KIF9: variants seen among roughly 807,000 people sequenced by gnomAD.
KIF9 encodes kinesin-like protein KIF9.
A neutral mutation model predicts 94.8 loss-of-function variants in KIF9; 68 were observed. The ratio of observed to expected loss-of-function variants is 0.72; its 90% CI spans 0.59 to 0.88. KIF9 has a LOEUF of 0.88. Among genes scored for constraint, KIF9 ranks in the 40% least tolerant of loss-of-function variants. The pLI is 0.00. For missense variants in KIF9, 882 were observed against 982.5 expected (o/e 0.90, Z 1.37); for synonymous variants, 343 against 362.1 (o/e 0.95, Z 0.60).
intron 7 of KIF9, 150 bp downstream of exon 7, chr3:47,266,826 G>A (rs937457980): frequency 4.5e-6 from 3 of 666,994 alleles, no homozygotes; most frequent in Admixed American, 2.7e-5. Flanking sequence ...TGCAAATCCT[G>A]TCCCTCCAGC....
chr3:47,241,157 C>A, intron 16 of KIF9, 142 bp from the exon 17 acceptor site: 1 of 677,760 alleles, frequency 1.5e-6, no homozygotes, highest in South Asian at 1.8e-5. Context: ...AGGAGCTAAA[C>A]TGTGTGTGAA....
intron 14 of KIF9, 162 bp from the exon 15 acceptor site, chr3:47,245,086 G>C: frequency 1.1e-6 from 1 of 893,040 alleles, no homozygotes; most frequent in Non-Finnish European, 1.7e-6. Flanking sequence ...CCTGTAGAGC[G>C]GTCCCTGACC....
At chr3:47,240,735 G>C in intron 17 of KIF9, 66 bp downstream of exon 17, 1 of 1,388,620 alleles carries the variant, frequency 7.2e-7, no homozygotes, top group Non-Finnish European at 1.0e-6. Flanking sequence ...GCCAAGGGCT[G>C]TTCTGCTTCA....
intron 1 of KIF9, among the ~76,000 whole-genome samples, chr3:47,280,582 G>T (rs1375357826): frequency 6.6e-6 from 1 of 152,172 alleles, no homozygotes; most frequent in Admixed American, 6.5e-5. Flanking sequence ...TGGTGCACGC[G>T]TGTGGTCCCA....
chr3:47,240,063 G>T (rs917568605), intron 17 of KIF9: 1 of 619,808 alleles, frequency 1.6e-6, no homozygotes. Flanking sequence ...TGGCTGAGGG[G>T]CTGGGAATCT....
At chr3:47,280,847 C>T in intron 1 of KIF9, 2 of 697,342 alleles carry the variant, frequency 2.9e-6, no homozygotes, top group South Asian at 3.0e-5. Flanking sequence ...GGAGCCATAT[C>T]CACCTGCAAT....
At position 47,281,905 on chromosome 3, in the gene KIF9, G is replaced by A. The variant is rs114781336; in HGVS notation, c.-6+590C>T. ...TGGGTCCCTATCTTCCAGTGCTCCC[G>A]TCCAGATGAGGGGCTGTCATGGGGA... is the stretch of plus-strand genomic sequence containing the variant. On this transcript the variant is annotated intron_variant, in intron 1 of 20. Transcript: ENST00000684063. 2.6e-3 allele frequency among the ~76,000 whole-genome samples: 393 copies of A among 152,314 alleles called. 2 individuals carry two copies. Among genetic ancestry groups the A allele is most frequent in the African/African-American group, 8.5e-3 (353 of 41,574 alleles).
intron 20 of KIF9, among the ~76,000 whole-genome samples, chr3:47,229,040 G>A (rs1698360634): frequency 1.3e-5 from 2 of 152,194 alleles, no homozygotes; most frequent in Admixed American, 1.3e-4. Flanking sequence ...GAGGAGTTAG[G>A]GGCCAGGTAT....
intron 1 of KIF9, among the ~76,000 whole-genome samples, chr3:47,278,699 C>T (rs1382300355): frequency 1.3e-5 from 2 of 151,790 alleles, no homozygotes; most frequent in East Asian, 1.9e-4. Flanking sequence ...CAGCCAGGTG[C>T]GGTGGCTCAG....
chr3:47,264,319 G>A lies in KIF9; in HGVS notation c.948C>T (p.Asn316=), dbSNP rs1364556508. The change falls in exon 9 of 21, where the codon AAC becomes AAT. Residue 316 remains asparagine (N), a synonymous_variant. Transcript: ENST00000684063. ...GGNCNMVLVT[N]IYGEAAQLEE... Reference sequence around the variant, plus strand: ...CTAACTGGGCAGCTTCTCCATAGATGTTTGTCACGAGGACCATATTGCAGT... The same window carrying A: ...CTAACTGGGCAGCTTCTCCATAGATATTTGTCACGAGGACCATATTGCAGT... 1.2e-6 allele frequency: 2 copies of A among 1,613,604 alleles called. No individual in the cohort carries two copies. The highest frequency in any genetic ancestry group is 4.5e-5 in the East Asian group (2 of 44,892).
chr3:47,254,066 G>C (rs1000385873), intron 10 of KIF9, among the ~76,000 whole-genome samples: 2 of 152,202 alleles, frequency 1.3e-5, no homozygotes, highest in East Asian at 1.9e-4. Context: ...ACTATGCTAA[G>C]AGGTTTCTAC....
intron 17 of KIF9, among the ~76,000 whole-genome samples, chr3:47,239,082 C>T (rs912444542): frequency 5.3e-5 from 8 of 152,146 alleles, no homozygotes; most frequent in African/African-American, 1.9e-4. Flanking sequence ...TGCCTGTAAT[C>T]GCAGCTACTT....
rs545298955 is a variant in KIF9 at position 47,262,951 on chromosome 3, T to G, written c.981+1335A>C. On this transcript the variant is annotated intron_variant, in intron 9 of 20. Transcript: ENST00000684063. ...TCTCACTCTGTCACCCAGGCTGGAG[T>G]GCAGTGGTGCAATCTCAGCTCACTA... is the stretch of plus-strand genomic sequence containing the variant. Among the ~76,000 whole-genome samples, 55 of 152,204 alleles carry G rather than the reference T, an allele frequency of 3.6e-4. No homozygotes were observed. The South Asian group carries it at 0.011, about 31-fold the overall frequency.
chr3:47,271,622 G>A (rs938992576), intron 4 of KIF9, among the ~76,000 whole-genome samples, 161 bp from the exon 5 acceptor site: 6 of 152,150 alleles, frequency 3.9e-5, no homozygotes, highest in African/African-American at 1.4e-4. Flanking sequence ...GTGTTTTGAG[G>A]CTTGACATCA....
At chr3:47,261,209 A>G (rs1054155419) in intron 9 of KIF9, among the ~76,000 whole-genome samples, 1 of 152,234 alleles carries the variant, frequency 6.6e-6, no homozygotes, top group African/African-American at 2.4e-5. Context: ...ATTGCTTGTG[A>G]ATAGAGATTA....
chr3:47,269,112 A>G (rs1051432406), intron 5 of KIF9, among the ~76,000 whole-genome samples: 1 of 152,112 alleles, frequency 6.6e-6, no homozygotes, highest in African/African-American at 2.4e-5. Flanking sequence ...AGATCCTGCT[A>G]TTGACGTTGA....
Position 47,277,286 on chromosome 3 carries a change from T to C in KIF9, c.89A>G (p.Lys30Arg), listed in dbSNP as rs748645897. ...AHEMIRYGDD[K>R]RSIDIHLKKD... ...AGGCAAACACATCGCACTTACTCTT[T>C]TGTCATCTCCGTATCTGATCATTTC... Residue 30 changes from lysine to arginine, a missense_variant, in exon 2 of 21, where the codon AAA becomes AGA. Transcript: ENST00000684063. 2 of 1,612,946 alleles carry C rather than the reference T, an allele frequency of 1.2e-6. No individual in the cohort carries two copies. The highest frequency in any genetic ancestry group is 1.7e-6 in the Non-Finnish European group (2 of 1,179,018).
intron 17 of KIF9, 30 bp downstream of exon 17, chr3:47,240,771 G>A (rs746561133): frequency 8.8e-6 from 14 of 1,587,270 alleles, no homozygotes; most frequent in Non-Finnish European, 1.1e-5. Context: ...AGACCCCAAA[G>A]CTCCCTAGCC....
At chr3:47,277,224 C>CTA (rs779933275) in intron 2 of KIF9, 58 bp downstream of exon 2, 229 of 1,297,432 alleles carry the variant, frequency 1.8e-4, no homozygotes, top group Non-Finnish European at 2.4e-4. Context: ...TACGGTCACA[C>CTA]TATAGCAAGG....
Sources: gnomAD v4.1 joint callset for allele counts (sites outside exome capture counted in the v4.1 genomes callset) on GRCh38, gnomAD v4.1.1 for gene constraint, MANE v1.5 for transcripts, NCBI Gene and HGNC (gene_info 2026-07-23, HGNC 2026-07-21) for gene names.